SCAPER: variants seen among roughly 807,000 people sequenced by gnomAD.
SCAPER encodes S phase cyclin A-associated protein in the endoplasmic reticulum.
In SCAPER, 98 loss-of-function variants were observed where a neutral mutation model predicts 182.2. The ratio of observed to expected loss-of-function variants is 0.54; its 90% CI spans 0.46 to 0.64. The LOEUF (loss-of-function observed/expected upper bound fraction) is 0.64, where lower values mean the gene tolerates loss of function less well. Among genes scored for constraint, SCAPER ranks in the 30% least tolerant of loss-of-function variants. SCAPER has a pLI of 0.00. For synonymous variants in SCAPER, 605 were observed against 564.6 expected (o/e 1.07, Z -1.01); for missense variants, 1,432 against 1,690.0 (o/e 0.85, Z 2.68).
intron 22 of SCAPER, among the ~76,000 whole-genome samples, chr15:76,600,513 C>G (rs2049858543): frequency 9.1e-6 from 1 of 110,350 alleles, no homozygotes; most frequent in African/African-American, 2.7e-5. Context: ...GCAATGGCAC[C>G]ATCTCTACCC....
chr15:76,578,071 C>T, intron 22 of SCAPER, among the ~76,000 whole-genome samples: 1 of 151,602 alleles, frequency 6.6e-6, no homozygotes, highest in South Asian at 2.1e-4. Context: ...AGGCAGTACT[C>T]ACCATAGGCC....
intron 23 of SCAPER, among the ~76,000 whole-genome samples, chr15:76,554,491 G>A (rs2046032253): frequency 6.6e-6 from 1 of 152,164 alleles, no homozygotes; most frequent in South Asian, 2.1e-4. Flanking sequence ...GAACCACTGT[G>A]AGACAGTATA....
chr15:76,869,568 C>T (rs1300307035), intron 2 of SCAPER, among the ~76,000 whole-genome samples: 2 of 151,982 alleles, frequency 1.3e-5, no homozygotes, highest in East Asian at 1.9e-4. Flanking sequence ...TATCATCTCA[C>T]GCAGTTAAAA....
rs575076929 is a variant in SCAPER, at chr15:76,784,308, C to T, written c.773-9191G>A. The stretch of plus-strand genomic sequence containing the variant: ...CAATTGCTTCAAAGAGAATAAAATA[C>T]CTAGGAAACCAACTTACAAGGGACG... On this transcript the variant is annotated intron_variant, in intron 8 of 31. Coordinates refer to ENST00000563290, the MANE Select transcript of SCAPER (RefSeq NM_020843.4). Among the ~76,000 whole-genome samples, 10 of 152,180 alleles carry T rather than the reference C, an allele frequency of 6.6e-5. No individual in the cohort carries two copies. The South Asian group carries it at 2.1e-3, about 32-fold the overall frequency.
intron 25 of SCAPER, among the ~76,000 whole-genome samples, chr15:76,435,361 C>T (rs986050607): frequency 6.6e-6 from 1 of 152,208 alleles, no homozygotes; most frequent in African/African-American, 2.4e-5. Context: ...CTGAGATAAT[C>T]ATTTTTCCCT....
At chr15:76,707,837 G>A (rs542135354) in intron 17 of SCAPER, among the ~76,000 whole-genome samples, 1 of 152,202 alleles carries the variant, frequency 6.6e-6, no homozygotes, top group South Asian at 2.1e-4. Context: ...CACTAGTAAT[G>A]TCCACATCAT....
intron 23 of SCAPER, among the ~76,000 whole-genome samples, chr15:76,539,824 C>T (rs111955035): frequency 4.6e-4 from 70 of 152,190 alleles, no homozygotes; most frequent in African/African-American, 1.6e-3. Context: ...GGATTACAGG[C>T]GTGAGCCACT....
intron 17 of SCAPER, among the ~76,000 whole-genome samples, chr15:76,726,767 A>C (rs577601259): frequency 5.6e-4 from 85 of 152,164 alleles, no homozygotes; most frequent in Non-Finnish European, 9.6e-4. Flanking sequence ...CACTTATATA[A>C]GATCCCTAAA....
chr15:76,714,457 G>A (rs2059771009), intron 17 of SCAPER, among the ~76,000 whole-genome samples: 1 of 151,880 alleles, frequency 6.6e-6, no homozygotes, highest in Non-Finnish European at 1.5e-5. Flanking sequence ...GCATGCCCTG[G>A]GCCCCAGCAA....
At chr15:76,510,864 CGTGT>C (rs58154549) in intron 23 of SCAPER, among the ~76,000 whole-genome samples, 5,425 of 150,458 alleles carry the variant, frequency 0.036, 235 homozygotes, top group African/African-American at 0.11. Flanking sequence ...CTGGTGCGCG[CGTGT>C]GTGTGTGTGT....
At chr15:76,889,426 CCATCT>C (rs2074040542) in intron 1 of SCAPER, among the ~76,000 whole-genome samples, 1 of 151,992 alleles carries the variant, frequency 6.6e-6, no homozygotes, top group Admixed American at 6.6e-5. Context: ...TTCAGGAGAC[CCATCT>C]CATGTGCAGA....
chr15:76,863,728 AT>A (rs1321931146), intron 2 of SCAPER, among the ~76,000 whole-genome samples: 2 of 152,132 alleles, frequency 1.3e-5, no homozygotes, highest in Non-Finnish European at 1.5e-5. Flanking sequence ...CTCCCCGTGA[AT>A]ATGCCTCTGT....
chr15:76,715,003 A>G (rs776434190), intron 17 of SCAPER, among the ~76,000 whole-genome samples: 3 of 152,140 alleles, frequency 2.0e-5, no homozygotes, highest in Non-Finnish European at 2.9e-5. Flanking sequence ...GCAGCATGAC[A>G]TCCCCCAGCT....
intron 25 of SCAPER, among the ~76,000 whole-genome samples, chr15:76,469,777 T>G (rs1166139051): frequency 1.3e-5 from 2 of 152,164 alleles, no homozygotes; most frequent in Non-Finnish European, 2.9e-5. Flanking sequence ...TAATACTGAC[T>G]TTAAGAGGCT....
rs376995779 is a variant in SCAPER, at chr15:76,804,549, T to A, written c.478A>T (p.Thr160Ser). The change falls in exon 6 of 32, where the codon ACA (threonine) becomes TCA (serine). Residue 160 changes from threonine to serine, a missense_variant. Coordinates refer to ENST00000563290, the MANE Select transcript of SCAPER (RefSeq NM_020843.4). ...WIQLQEKLEK[T>S]DAQSRPTSLA... ...GCTCATTACCTGCTTTGAGCATCTG[T>A]CTTCTCTAGCTTTTCCTGAAGCTGA... The A allele has an allele frequency of 7.8e-5, 125 of 1,610,036 alleles. No individual in the cohort carries two copies. The highest frequency in any genetic ancestry group is 1.0e-4 in the Non-Finnish European group (122 of 1,178,196).
intron 8 of SCAPER, among the ~76,000 whole-genome samples, chr15:76,783,524 C>T (rs2064325677): frequency 6.6e-6 from 1 of 152,220 alleles, no homozygotes; most frequent in African/African-American, 2.4e-5. Flanking sequence ...TCCTCCCTAA[C>T]TCATTTTATG....
At chr15:76,604,403 T>C (rs565421248) in intron 22 of SCAPER, among the ~76,000 whole-genome samples, 3 of 119,516 alleles carry the variant, frequency 2.5e-5, no homozygotes, top group African/African-American at 5.1e-5. Flanking sequence ...TCGGTACCAG[T>C]ACCATGCTGT....
chr15:76,457,238 TA>T (rs1313908616), intron 25 of SCAPER, among the ~76,000 whole-genome samples: 26 of 152,008 alleles, frequency 1.7e-4, no homozygotes, highest in African/African-American at 4.8e-5. Flanking sequence ...AATTTTTTTG[TA>T]TTTTTAGTAG....
chr15:76,587,985 A>G (rs571407491), intron 22 of SCAPER, among the ~76,000 whole-genome samples: 63 of 151,878 alleles, frequency 4.1e-4, no homozygotes, highest in Non-Finnish European at 7.4e-4. Context: ...GCAGTGGCAC[A>G]ATCTCAGCTC....
Sources: gnomAD v4.1 joint callset for allele counts (sites outside exome capture counted in the v4.1 genomes callset) on GRCh38, gnomAD v4.1.1 for gene constraint, MANE v1.5 for transcripts, NCBI Gene and HGNC (gene_info 2026-07-23, HGNC 2026-07-21) for gene names.